KIRREL3: variants seen among roughly 807,000 people sequenced by gnomAD.
KIRREL3 encodes kirre like nephrin family adhesion molecule 3.
In KIRREL3, 36 loss-of-function variants were observed where a neutral mutation model predicts 89.7. The observed-to-expected ratio is 0.40, with a 90% confidence interval of 0.31 to 0.53. The LOEUF (loss-of-function observed/expected upper bound fraction) is 0.53, where lower values mean the gene tolerates loss of function less well. KIRREL3 is among the 20% of genes least tolerant of loss of function. KIRREL3 has a pLI of 0.49. For synonymous variants in KIRREL3, 445 were observed against 441.4 expected (o/e 1.01, Z -0.10); for missense variants, 864 against 1,056.6 (o/e 0.82, Z 2.53).
rs889467032 is a variant in KIRREL3, at chr11:126,474,128, T to C, written c.434-662A>G. ...AACACCTGGTTAATTTTTGTATTTT[T>C]AGTAGAGATGGGGTTTCACCATGTT... On this transcript the variant is annotated intron_variant, in intron 4 of 16. Coordinates refer to ENST00000525144, the MANE Select transcript of KIRREL3 (RefSeq NM_032531.4). The surrounding 1 kb of genome is among the most constrained non-coding windows in gnomAD (Gnocchi z 6.7). Among the ~76,000 whole-genome samples, 1 of 151,232 alleles carries C rather than the reference T, an allele frequency of 6.6e-6. No individual in the cohort carries two copies. Among genetic ancestry groups the C allele is most frequent in the African/African-American group, 2.4e-5 (1 of 41,078 alleles).
chr11:126,974,973 G>A (rs1949528070), intron 1 of KIRREL3, among the ~76,000 whole-genome samples: 1 of 152,090 alleles, frequency 6.6e-6, no homozygotes, highest in Non-Finnish European at 1.5e-5. Context: ...GAGTGCAGTG[G>A]CTAATTTTTG....
intron 4 of KIRREL3, among the ~76,000 whole-genome samples, chr11:126,483,768 G>A (rs1017122118): frequency 6.6e-6 from 1 of 152,232 alleles, no homozygotes; most frequent in African/African-American, 2.4e-5. Flanking sequence ...GCTTTGGCTT[G>A]TGAAGTTCCC....
At position 126,766,253 on chromosome 11, in the gene KIRREL3, A is replaced by G. The variant is rs969811373; in HGVS notation, c.56-203341T>C. Among the ~76,000 whole-genome samples, 1 of 152,024 alleles carries G rather than the reference A, an allele frequency of 6.6e-6. No individual in the cohort carries two copies. Among genetic ancestry groups the G allele is most frequent in the Non-Finnish European group, 1.5e-5 (1 of 68,018 alleles). ...AGTTGGCTGAGAACAGTAGGAGCCC[A>G]TAACAGACAGCATGTCATCCATTCC... On this transcript the variant is annotated intron_variant, in intron 1 of 16. Coordinates refer to ENST00000525144, the MANE Select transcript of KIRREL3 (RefSeq NM_032531.4). The surrounding 1 kb of genome is among the most constrained non-coding windows in gnomAD (Gnocchi z 4.2).
rs552674605 is a variant in KIRREL3 at position 126,955,335 on chromosome 11, C to T, written c.55+45120G>A. On this transcript the variant is annotated intron_variant, in intron 1 of 16. Transcript: ENST00000525144. This position sits in a 1 kb window ranked among gnomAD's most constrained non-coding sequence, Gnocchi z 4.6. ...TGTTCTGGAGATACTTACAGCTGCC[C>T]GTGGTTTTTAATTAATACACTGGGC... Among the ~76,000 whole-genome samples the T allele has an allele frequency of 4.6e-5, 7 of 152,266 alleles. No homozygotes were observed. Among genetic ancestry groups the T allele is most frequent in the South Asian group, 2.1e-4 (1 of 4,812 alleles).
At chr11:126,770,088 GC>G (rs2134295109) in intron 1 of KIRREL3, among the ~76,000 whole-genome samples, 2 of 152,200 alleles carry the variant, frequency 1.3e-5, no homozygotes, top group African/African-American at 4.8e-5. Context: ...TCTGAGTCCA[GC>G]TAAACTGCAG....
Position 126,998,000 on chromosome 11 carries a change from G to T in KIRREL3, c.55+2455C>A, listed in dbSNP as rs1207068090. On this transcript the variant is annotated intron_variant, in intron 1 of 16. Transcript: ENST00000525144. This position sits in a 1 kb window ranked among gnomAD's most constrained non-coding sequence, Gnocchi z 4.3. Reference sequence around the variant, plus strand: ...AGGTGGCTGTGTGAGGGTGCCGGGTGGGGGGGTGTAACCTCAGGCCTCATT... The same window carrying T: ...AGGTGGCTGTGTGAGGGTGCCGGGTTGGGGGGTGTAACCTCAGGCCTCATT... Among the ~76,000 whole-genome samples, 2 of 152,058 alleles carry T rather than the reference G, an allele frequency of 1.3e-5. No individual in the cohort carries two copies. The highest frequency in any genetic ancestry group is 2.1e-4 in the South Asian group (1 of 4,814).
rs1946814157 is a variant in KIRREL3 at position 126,689,927 on chromosome 11, GGGAT to G, written c.56-127019_56-127016del. 6.6e-6 allele frequency among the ~76,000 whole-genome samples: 1 copy of G among 152,218 alleles called. No individual in the cohort carries two copies. The highest frequency in any genetic ancestry group is 2.4e-5 in the African/African-American group (1 of 41,462). On this transcript the variant is annotated intron_variant, in intron 1 of 16. Coordinates refer to ENST00000525144, the MANE Select transcript of KIRREL3 (RefSeq NM_032531.4). This position sits in a 1 kb window ranked among gnomAD's most constrained non-coding sequence, Gnocchi z 5.2. ...TCTTAGAAAGCTAGTTAGTGAAACA[GGGAT>G]GGGAGTGTGAGAGTTGATGCTTCTT...
At chr11:126,465,708 T>C (rs557253728) in intron 5 of KIRREL3, among the ~76,000 whole-genome samples, 1 of 152,172 alleles carries the variant, frequency 6.6e-6, no homozygotes, top group South Asian at 2.1e-4. Context: ...GCAGAGGGGC[T>C]GGAGGAGAGT....
At position 126,580,708 on chromosome 11, in the gene KIRREL3, G is replaced by C. The variant is rs115072358; in HGVS notation, c.56-17796C>G. ...ACCCTGGACAAGCAGGGCCACGTGT[G>C]GGCCAGGACTGCTCTGCCCTGTCTT... is the stretch of plus-strand genomic sequence containing the variant. On this transcript the variant is annotated intron_variant, in intron 1 of 16. Transcript: ENST00000525144. Among the ~76,000 whole-genome samples the C allele has an allele frequency of 3.1e-3, 471 of 152,234 alleles. 6 individuals are homozygous for C. Among genetic ancestry groups the C allele is most frequent in the African/African-American group, 0.011 (449 of 41,534 alleles).
chr11:126,785,524 G>C (rs1394372082), intron 1 of KIRREL3, among the ~76,000 whole-genome samples: 3 of 152,068 alleles, frequency 2.0e-5, no homozygotes, highest in Non-Finnish European at 2.9e-5. Context: ...GTTACCGTCT[G>C]ATGCAATGTA....
At position 126,655,999 on chromosome 11, in the gene KIRREL3, G is replaced by A. The variant is rs776484149; in HGVS notation, c.56-93087C>T. 8.0e-5 allele frequency: 23 copies of A among 286,360 alleles called. No individual in the cohort carries two copies. The highest frequency in any genetic ancestry group is 1.4e-4 in the Non-Finnish European group (20 of 139,666). 17.7% of individuals were successfully genotyped at this position (286,360 alleles called of 1,614,324 possible). A position where few individuals can be genotyped will look rare whatever the true frequency, so the allele number is the denominator to read the frequency against. ...GAAGGAGGGGTGGGAGGAGGCCTTA[G>A]AAGCTAATTAGAATCCTCTAGAAGT... is the stretch of plus-strand genomic sequence containing the variant. On this transcript the variant is annotated intron_variant, in intron 1 of 16. Coordinates refer to ENST00000525144, the MANE Select transcript of KIRREL3 (RefSeq NM_032531.4). This position sits in a 1 kb window ranked among gnomAD's most constrained non-coding sequence, Gnocchi z 5.0.
rs1937974269 is a variant in KIRREL3 at position 126,537,283 on chromosome 11, G to C, written c.134-10596C>G. Among the ~76,000 whole-genome samples the C allele has an allele frequency of 6.6e-6, 1 of 152,194 alleles. No individual in the cohort carries two copies. Among genetic ancestry groups the C allele is most frequent in the Non-Finnish European group, 1.5e-5 (1 of 68,036 alleles). ...CACCCCTCAACTCTCAGGACATTCTGTGAAACTCGCTGAGAGTCTTGGATG... is the reference window on the plus strand; with the variant it reads ...CACCCCTCAACTCTCAGGACATTCTCTGAAACTCGCTGAGAGTCTTGGATG... On this transcript the variant is annotated intron_variant, in intron 2 of 16. Coordinates refer to ENST00000525144, the MANE Select transcript of KIRREL3 (RefSeq NM_032531.4). This position sits in a 1 kb window ranked among gnomAD's most constrained non-coding sequence, Gnocchi z 4.3.
At chr11:126,425,766 A>G in intron 15 of KIRREL3, 42 bp from the exon 16 acceptor site, 1 of 1,445,058 alleles carries the variant, frequency 6.9e-7, no homozygotes, top group Non-Finnish European at 9.6e-7. Context: ...GGAGGTGGCT[A>G]AACCTCCACT....
chr11:126,656,831 C>T lies in KIRREL3; in HGVS notation c.56-93919G>A, dbSNP rs1229042843. ...CTTTGGGAGGCCAAGGTGTGTGCATCGCTTGGGGCTGGGAGTCCCAGACCA... is the reference window on the plus strand; with the variant it reads ...CTTTGGGAGGCCAAGGTGTGTGCATTGCTTGGGGCTGGGAGTCCCAGACCA... On this transcript the variant is annotated intron_variant, in intron 1 of 16. Coordinates refer to ENST00000525144, the MANE Select transcript of KIRREL3 (RefSeq NM_032531.4). The surrounding 1 kb of genome is among the most constrained non-coding windows in gnomAD (Gnocchi z 4.0). Among the ~76,000 whole-genome samples, 5 of 152,100 alleles carry T rather than the reference C, an allele frequency of 3.3e-5. No homozygotes were observed. Among genetic ancestry groups the T allele is most frequent in the African/African-American group, 7.2e-5 (3 of 41,418 alleles).
chr11:126,555,956 G>T lies in KIRREL3; in HGVS notation c.133+6879C>A, dbSNP rs1384269139. On this transcript the variant is annotated intron_variant, in intron 2 of 16. Coordinates refer to ENST00000525144, the MANE Select transcript of KIRREL3 (RefSeq NM_032531.4). This position sits in a 1 kb window ranked among gnomAD's most constrained non-coding sequence, Gnocchi z 4.2. ...GGGGTTTCACTATTTTGGCCAGGCT[G>T]GTCTCAAACTCCTGACCTCAGGTGA... Among the ~76,000 whole-genome samples, 2 of 152,120 alleles carry T rather than the reference G, an allele frequency of 1.3e-5. No homozygotes were observed. Among genetic ancestry groups the T allele is most frequent in the Non-Finnish European group, 2.9e-5 (2 of 68,028 alleles).
chr11:126,585,336 T>C (rs1188840575), intron 1 of KIRREL3, among the ~76,000 whole-genome samples: 1 of 146,808 alleles, frequency 6.8e-6, no homozygotes, highest in Non-Finnish European at 1.5e-5. Context: ...CTGATTCAAG[T>C]GATTCTTTTG....
chr11:126,765,456 T>G (rs1212885413), intron 1 of KIRREL3, among the ~76,000 whole-genome samples: 4 of 152,198 alleles, frequency 2.6e-5, no homozygotes, highest in African/African-American at 9.7e-5. Context: ...CATACGGCTT[T>G]TACTCTTCCT....
rs201430801 is a variant in KIRREL3 at position 126,631,124 on chromosome 11, TATTCATTCATTCATTC to T, written c.56-68228_56-68213del. 1.5e-4 allele frequency among the ~76,000 whole-genome samples: 16 copies of T among 106,758 alleles called. No individual in the cohort carries two copies. In the South Asian group the frequency reaches 1.7e-3, roughly 12 times the overall value. 70.0% of individuals were successfully genotyped at this position (106,758 alleles called of 152,430 possible). On this transcript the variant is annotated intron_variant, in intron 1 of 16. Coordinates refer to ENST00000525144, the MANE Select transcript of KIRREL3 (RefSeq NM_032531.4). ...TCTGTGCAATCAGTCTGTATGTATG[TATTCATTCATTCATTC>T]ATTCATTCATTCATTCATTCATTCT...
intron 1 of KIRREL3, among the ~76,000 whole-genome samples, chr11:126,625,689 GC>G (rs1943756041): frequency 6.6e-6 from 1 of 151,852 alleles, no homozygotes; most frequent in Non-Finnish European, 1.5e-5. Flanking sequence ...TATGCTCTTT[GC>G]CCCCTGAATA....
Sources: gnomAD v4.1 joint callset for allele counts (sites outside exome capture counted in the v4.1 genomes callset) on GRCh38, gnomAD v4.1.1 for gene constraint, Gnocchi (gnomAD v3.1) non-coding constraint, MANE v1.5 for transcripts, NCBI Gene and HGNC (gene_info 2026-07-23, HGNC 2026-07-21) for gene names.